NREP: variants seen among roughly 807,000 people sequenced by gnomAD.
NREP encodes the protein neuronal regeneration related protein.
A neutral mutation model predicts 8.6 loss-of-function variants in NREP; 5 were observed. The observed-to-expected ratio is 0.58, with a 90% CI of 0.30 to 1.22. The LOEUF is 1.22. Among genes scored for constraint, NREP ranks in the 50% most tolerant of loss-of-function variants. NREP has a pLI of 0.07. For synonymous variants in NREP, 27 were observed against 28.0 expected (o/e 0.96, Z 0.11); for missense variants, 86 against 82.5 (o/e 1.04, Z -0.17).
chr5:111,834,101 G>A (rs147253292), intron 2 of NREP, among the ~76,000 whole-genome samples: 1 of 152,254 alleles, frequency 6.6e-6, no homozygotes, highest in Non-Finnish European at 1.5e-5. Flanking sequence ...GTGGGAACTG[G>A]AGTAGAAAAC....
rs1408183505 is a variant in NREP, at chr5:111,886,307, A to G, written c.135+88967T>C. On this transcript the variant is annotated intron_variant, in intron 2 of 3. Coordinates refer to the NREP transcript ENST00000395634. ...ACACCAGTTAGAATGGCAGTCATTA[A>G]AAAGTCAGGAAACAACAGGTGCTGG... 7.9e-5 allele frequency among the ~76,000 whole-genome samples: 12 copies of G among 152,186 alleles called. No individual in the cohort carries two copies. In the East Asian group the frequency reaches 2.3e-3, roughly 29 times the overall value.
chr5:111,893,698 G>C (rs1401978637), intron 2 of NREP, among the ~76,000 whole-genome samples: 1 of 150,806 alleles, frequency 6.6e-6, no homozygotes, highest in Admixed American at 6.6e-5. Context: ...CCTTAAGATA[G>C]ATGCATTTTT....
At chr5:111,858,281 C>CT in intron 2 of NREP, among the ~76,000 whole-genome samples, 1 of 152,176 alleles carries the variant, frequency 6.6e-6, no homozygotes, top group East Asian at 1.9e-4. Flanking sequence ...TGTTTCTACA[C>CT]TCCCCTCCCT....
chr5:111,875,937 A>G (rs1336040059), intron 2 of NREP, among the ~76,000 whole-genome samples: 1 of 152,158 alleles, frequency 6.6e-6, no homozygotes, highest in Non-Finnish European at 1.5e-5. Context: ...CGTGAAATGT[A>G]AGGGGTTTTA....
intron 2 of NREP, among the ~76,000 whole-genome samples, chr5:111,885,360 T>C (rs1213359860): frequency 7.2e-5 from 11 of 151,944 alleles, no homozygotes; most frequent in Admixed American, 6.6e-4. Context: ...TCCATGCTCA[T>C]GAGTAGGAAG....
At chr5:111,930,348 C>T (rs920274658) in intron 2 of NREP, among the ~76,000 whole-genome samples, 5 of 152,260 alleles carry the variant, frequency 3.3e-5, no homozygotes, top group African/African-American at 1.2e-4. Flanking sequence ...TGTAGTCCCC[C>T]ACCCTCAAAG....
rs914008626 is a variant in NREP, at chr5:111,753,889, TA to T, written c.3+1880del. ...CAAAGACACCTCTAATATCACTTCTTAAAAAAAAAAAAAGTGAAACCTTTTT... is the reference window on the plus strand; with the variant it reads ...CAAAGACACCTCTAATATCACTTCTTAAAAAAAAAAAAGTGAAACCTTTTT... On this transcript the variant is annotated intron_variant, in intron 2 of 3. Coordinates refer to ENST00000257435, the MANE Select transcript of NREP (RefSeq NM_004772.4). 1.3e-3 allele frequency among the ~76,000 whole-genome samples: 191 copies of T among 142,942 alleles called. 1 individual carries two copies. Among genetic ancestry groups the T allele is most frequent in the African/African-American group, 1.7e-3 (67 of 39,134 alleles). 93.8% of individuals were successfully genotyped at this position (142,942 alleles called of 152,430 possible).
At chr5:111,806,453 A>G (rs1173718186) in intron 2 of NREP, among the ~76,000 whole-genome samples, 3 of 152,194 alleles carry the variant, frequency 2.0e-5, no homozygotes, top group Admixed American at 6.5e-5. Flanking sequence ...TCGTGTGTTC[A>G]TATTCTGTCA....
intron 2 of NREP, among the ~76,000 whole-genome samples, chr5:111,963,180 A>G (rs10463623): frequency 0.38 from 57,768 of 152,180 alleles, 11,417 homozygotes; most frequent in South Asian, 0.57. Flanking sequence ...CCCCCAGCTG[A>G]GCAACGCCAT....
At chr5:111,771,164 G>A (rs1336090771) in intron 2 of NREP, among the ~76,000 whole-genome samples, 1 of 152,106 alleles carries the variant, frequency 6.6e-6, no homozygotes, top group Non-Finnish European at 1.5e-5. Flanking sequence ...CACATAGTAG[G>A]TAAAGACACA....
chr5:111,756,192 T>G, intron 1 of NREP: 14 of 1,023,660 alleles, frequency 1.4e-5, no homozygotes, highest in African/African-American at 1.7e-5. Context: ...GCAGTATATT[T>G]GCAATCAAGA....
At chr5:111,882,531 G>A (rs1390610730) in intron 2 of NREP, among the ~76,000 whole-genome samples, 6 of 152,302 alleles carry the variant, frequency 3.9e-5, no homozygotes, top group Admixed American at 1.3e-4. Context: ...ATAATTGTCA[G>A]ATTCACCAAA....
In NREP at chr5:111,964,855, C is replaced by CAAAAAAAAAAA. The variant is rs58877839; in HGVS notation, c.135+10408_135+10418dup. Among the ~76,000 whole-genome samples, 112 of 44,868 alleles carry CAAAAAAAAAAA rather than the reference C, an allele frequency of 2.5e-3. 7 individuals carry two copies. The highest frequency in any genetic ancestry group is 3.2e-3 in the African/African-American group (50 of 15,738). The allele number at this position is 44,868 out of a possible 152,430, so 29.4% of individuals were successfully genotyped here. On this transcript the variant is annotated intron_variant, in intron 2 of 3. Transcript: ENST00000395634. ...AGTCTACTTAGAATGCTTTCAGCAGCAAAAAAAAAAAAAAAAAAAAAAAAA... is the reference window on the plus strand; with the variant it reads ...AGTCTACTTAGAATGCTTTCAGCAGCAAAAAAAAAAAAAAAAAAAAAAAAAAAAAAAAAAAA...
At chr5:111,953,698 G>T (rs1270053398) in intron 2 of NREP, among the ~76,000 whole-genome samples, 1 of 152,036 alleles carries the variant, frequency 6.6e-6, no homozygotes, top group East Asian at 1.9e-4. Flanking sequence ...AGGAAGAATA[G>T]AACAGGGAAC....
intron 2 of NREP, among the ~76,000 whole-genome samples, chr5:111,749,828 G>A (rs1393254558): frequency 6.6e-6 from 1 of 152,172 alleles, no homozygotes; most frequent in Non-Finnish European, 1.5e-5. Flanking sequence ...GGATAAGCAT[G>A]CTCCCTTTTC....
At chr5:111,781,337 T>C (rs998945154) in intron 2 of NREP, among the ~76,000 whole-genome samples, 1 of 152,132 alleles carries the variant, frequency 6.6e-6, no homozygotes, top group African/African-American at 2.4e-5. Context: ...GTGCCACCCC[T>C]ACGTGAGGAA....
At chr5:111,958,638 T>C (rs1254333712) in intron 2 of NREP, among the ~76,000 whole-genome samples, 3 of 151,900 alleles carry the variant, frequency 2.0e-5, no homozygotes, top group African/African-American at 7.2e-5. Flanking sequence ...ACAAAGCTAT[T>C]GAAGACATAA....
At chr5:111,843,371 T>G (rs988949520) in intron 2 of NREP, among the ~76,000 whole-genome samples, 4 of 151,982 alleles carry the variant, frequency 2.6e-5, no homozygotes, top group Non-Finnish European at 4.4e-5. Flanking sequence ...ACTTGGGTCA[T>G]TGCATTTTTT....
At chr5:111,863,044 T>C (rs915064893) in intron 2 of NREP, among the ~76,000 whole-genome samples, 1 of 151,780 alleles carries the variant, frequency 6.6e-6, no homozygotes, top group African/African-American at 2.4e-5. Context: ...GATTTGCAAT[T>C]TTAATGATCA....
Sources: allele counts gnomAD v4.1 joint callset (sites outside exome capture counted in the v4.1 genomes callset), GRCh38; gene constraint gnomAD v4.1.1; transcripts MANE v1.5; gene names NCBI Gene and HGNC (gene_info 2026-07-23, HGNC 2026-07-21).